The following GIPC3 variants were observed in gnomAD, a reference collection of about 807,000 sequenced individuals.
GIPC3 encodes the protein PDZ domain-containing protein GIPC3.
GIPC3 carries 16 observed loss-of-function variants against 27.3 expected under a neutral mutation model. The observed-to-expected ratio is 0.59, with a 90% confidence interval of 0.40 to 0.89. The LOEUF (loss-of-function observed/expected upper bound fraction) is 0.89. Among genes scored for constraint, GIPC3 ranks in the 40% least tolerant of loss-of-function variants. The probability of loss-of-function intolerance (pLI) is 0.00; values close to 1 mark genes in which losing one functional copy is unlikely to be tolerated. For synonymous variants in GIPC3, 194 were observed against 184.6 expected, an observed-to-expected ratio of 1.05 and a Z score of -0.41; for missense variants, 440 against 442.1, an observed-to-expected ratio of 1.00 and a Z score of 0.04.
rs387907000 is a variant in GIPC3, at chr19:3,590,154, G to A, written c.903G>A (p.Trp301Ter). 3 of 1,608,562 alleles carry A rather than the reference G, an allele frequency of 1.9e-6. No individual in the cohort carries two copies. Among genetic ancestry groups the A allele is most frequent in the Non-Finnish European group, 1.7e-6 (2 of 1,178,066 alleles). ...CCGACGAGTTTGTGGTGGAAGTGTG[G>A]GCCGCCATCGGCGAGGCCAGAGAGG... ...AFPDEFVVEV[W>*]AAIGEAREAC... The change falls in exon 6 of 6, where the codon TGG becomes TGA. Residue 301 changes from tryptophan to a stop codon, truncating the protein, a stop_gained. Transcript: ENST00000644452. LOFTEE classifies it high-confidence loss of function.
chr19:3,585,518 C>T lies in GIPC3; in HGVS notation c.-80C>T. The T allele has an allele frequency of 9.4e-7, 1 of 1,062,588 alleles. No homozygotes were observed. Among genetic ancestry groups the T allele is most frequent in the Non-Finnish European group, 1.1e-6 (1 of 878,552 alleles). 65.8% of individuals were successfully genotyped at this position (1,062,588 alleles called of 1,614,324 possible). ...GCGTCTCGGCTGTCGCGCCCTGGGC[C>T]GGGGGAGGGGAGGCTGCAGGAAGCG... On this transcript the variant is annotated 5_prime_UTR_variant, in exon 1 of 6. Transcript: ENST00000644452.
rs2032345528 is a variant in GIPC3, at chr19:3,585,493, G to C, written c.-105G>C. 6.0e-6 allele frequency: 6 copies of C among 995,654 alleles called. No homozygotes were observed. The highest frequency in any genetic ancestry group is 6.1e-6 in the Non-Finnish European group (5 of 823,222). The allele number at this position is 995,654 out of a possible 1,614,324, so 61.7% of individuals were successfully genotyped here. On this transcript the variant is annotated 5_prime_UTR_variant, in exon 1 of 6. Coordinates refer to ENST00000644452, the MANE Select transcript of GIPC3 (RefSeq NM_133261.3). ...CGGGTTCCCAGATCCCCTTACCCGGGCGTCTCGGCTGTCGCGCCCTGGGCC... is the reference window on the plus strand; with the variant it reads ...CGGGTTCCCAGATCCCCTTACCCGGCCGTCTCGGCTGTCGCGCCCTGGGCC...
In GIPC3 at chr19:3,590,716, T is replaced by G. The variant is rs889502575; in HGVS notation, c.*526T>G. On this transcript the variant is annotated 3_prime_UTR_variant, in exon 6 of 6. Coordinates refer to ENST00000644452, the MANE Select transcript of GIPC3 (RefSeq NM_133261.3). ...ACCGAGCCCAGCTCTAAAACTCAGA[T>G]GGGCTCTGAGACCATGCCCAGCTCT... The G allele has an allele frequency of 1.5e-5, 16 of 1,033,016 alleles. No homozygotes were observed. The African/African-American group carries it at 2.5e-4, about 16-fold the overall frequency. The allele number at this position is 1,033,016 out of a possible 1,614,324, so 64.0% of individuals were successfully genotyped here. A position where few individuals can be genotyped will look rare whatever the true frequency, so the allele number is the denominator to read the frequency against.
chr19:3,586,402 C>T (rs1723195306), intron 1 of GIPC3, 93 bp from the exon 2 acceptor site: 1 of 1,161,106 alleles, frequency 8.6e-7, no homozygotes, highest in African/African-American at 1.5e-5. Flanking sequence ...GGCTGGGATC[C>T]TGGTCGCTGG....
intron 3 of GIPC3, among the ~76,000 whole-genome samples, chr19:3,588,420 C>T (rs1366882530): frequency 6.6e-6 from 1 of 152,090 alleles, no homozygotes; most frequent in Non-Finnish European, 1.5e-5. Flanking sequence ...TTCTATAGAA[C>T]AGAGACAGAG....
Position 3,593,491 on chromosome 19 carries a change from C to T in GIPC3, c.*3301C>T, listed in dbSNP as rs1040338155. The T allele has an allele frequency of 4.3e-5, 18 of 415,966 alleles. No homozygotes were observed. The highest frequency in any genetic ancestry group is 3.1e-4 in the Admixed American group (7 of 22,680). 25.8% of individuals were successfully genotyped at this position (415,966 alleles called of 1,614,324 possible). ...AAGGAGGGCAGGAGACGGGTTGCAC[C>T]GCATGTACCCTGAGGGCTCATGGTG... is the stretch of plus-strand genomic sequence containing the variant. On this transcript the variant is annotated 3_prime_UTR_variant, in exon 6 of 6. Transcript: ENST00000644452.
chr19:3,590,324 C>T lies in GIPC3; in HGVS notation c.*134C>T, dbSNP rs902360675. 4 of 1,453,848 alleles carry T rather than the reference C, an allele frequency of 2.8e-6. No homozygotes were observed. The African/African-American group carries it at 5.7e-5, about 21-fold the overall frequency. The allele number at this position is 1,453,848 out of a possible 1,614,324, so 90.1% of individuals were successfully genotyped here. The stretch of plus-strand genomic sequence containing the variant: ...AATCCAATTTGGAGCCCCAGCCCAA[C>T]TCCAGAACCCAACCCTTCTCTAGAA... On this transcript the variant is annotated 3_prime_UTR_variant, in exon 6 of 6. Coordinates refer to ENST00000644452, the MANE Select transcript of GIPC3 (RefSeq NM_133261.3).
chr19:3,587,695 C>CTTTTTTCTTTTCTTTTCT (rs548820972), intron 3 of GIPC3, among the ~76,000 whole-genome samples: 1,829 of 131,038 alleles, frequency 0.014, 42 homozygotes, highest in African/African-American at 0.039. Flanking sequence ...CTTTTCTTTT[C>CTTTTTTCTTTTCTTTTCT]TTTTTTTTTT....
chr19:3,590,213 C>CGG lies in GIPC3; in HGVS notation c.*23_*24insGG. On this transcript the variant is annotated 3_prime_UTR_variant, in exon 6 of 6. Coordinates refer to ENST00000644452, the MANE Select transcript of GIPC3 (RefSeq NM_133261.3). ...TAGTTTGCCCTGGGGGGGCCCAGCA[C>CGG]AGCCCCAGCCCGGAGCCCAGCCCCC... 1 of 1,566,980 alleles carries CGG rather than the reference C, an allele frequency of 6.4e-7. No homozygotes were observed. The highest frequency in any genetic ancestry group is 8.6e-7 in the Non-Finnish European group (1 of 1,156,626).
Position 3,589,448 on chromosome 19 carries a change from A to C in GIPC3, c.598A>C (p.Ile200Leu), listed in dbSNP as rs1464820939. The change falls in exon 4 of 6, where the codon ATT becomes CTT. Residue 200 changes from isoleucine (I) to leucine (L), a missense_variant. Ile to Leu is a conservative substitution (Grantham distance 5, BLOSUM62 2). Transcript: ENST00000644452. ...CCTCACTCTGTTCCCTCCAGATATG[A>C]TTGGCCAGAGAAGTCGGTCCAGCAA... ...LVQPKRAFDM[I>L]GQRSRSSKCP... 6.2e-7 allele frequency: 1 copy of C among 1,612,916 alleles called. No individual in the cohort carries two copies. The highest frequency in any genetic ancestry group is 2.2e-5 in the East Asian group (1 of 44,882).
Position 3,590,587 on chromosome 19 carries a change from T to C in GIPC3, c.*397T>C. ...AGAACCCAGATGAGCTCTGAGACCATGCCCAGCTCTAGAACTCAGATGGGC... is the reference window on the plus strand; with the variant it reads ...AGAACCCAGATGAGCTCTGAGACCACGCCCAGCTCTAGAACTCAGATGGGC... On this transcript the variant is annotated 3_prime_UTR_variant, in exon 6 of 6. Coordinates refer to ENST00000644452, the MANE Select transcript of GIPC3 (RefSeq NM_133261.3). 1 of 1,275,498 alleles carries C rather than the reference T, an allele frequency of 7.8e-7. No individual in the cohort carries two copies. The highest frequency in any genetic ancestry group is 9.8e-7 in the Non-Finnish European group (1 of 1,015,712). The allele number at this position is 1,275,498 out of a possible 1,614,324, so 79.0% of individuals were successfully genotyped here.
rs1425306682 is a variant in GIPC3 at position 3,590,279 on chromosome 19, C to G, written c.*89C>G. ...CCAGAACCCAGCCCAGATCGGAGGA[C>G]AAGTTCCTCTCTAGAACCCAATCCA... On this transcript the variant is annotated 3_prime_UTR_variant, in exon 6 of 6. Coordinates refer to ENST00000644452, the MANE Select transcript of GIPC3 (RefSeq NM_133261.3). The G allele has an allele frequency of 1.2e-5, 18 of 1,506,212 alleles. No individual in the cohort carries two copies. Among genetic ancestry groups the G allele is most frequent in the Middle Eastern group, 2.4e-4 (1 of 4,182 alleles). The allele number at this position is 1,506,212 out of a possible 1,614,324, so 93.3% of individuals were successfully genotyped here. A position where few individuals can be genotyped will look rare whatever the true frequency, so the allele number is the denominator to read the frequency against.
At chr19:3,585,849 A>G (rs759764607) in intron 1 of GIPC3, 27 bp downstream of exon 1, 2 of 1,534,728 alleles carry the variant, frequency 1.3e-6, no homozygotes, top group South Asian at 2.4e-5. Flanking sequence ...CCGGCGCCCA[A>G]GACCACCCGC....
intron 1 of GIPC3, among the ~76,000 whole-genome samples, chr19:3,586,231 G>A (rs1697323848): frequency 6.6e-6 from 1 of 152,044 alleles, no homozygotes; most frequent in Admixed American, 6.5e-5. Flanking sequence ...TTTCCAATCC[G>A]GGTTCGTTTG....
chr19:3,590,002 G>T, intron 5 of GIPC3, 37 bp from the exon 6 acceptor site: 1 of 1,613,152 alleles, frequency 6.2e-7, no homozygotes, highest in Non-Finnish European at 8.5e-7. Flanking sequence ...GGCGCGGGGA[G>T]TGCCCTCACT....
intron 3 of GIPC3, among the ~76,000 whole-genome samples, chr19:3,588,656 A>AAAAAAAAAAAC (rs1555704535): frequency 5.3e-5 from 8 of 151,046 alleles, no homozygotes; most frequent in African/African-American, 1.7e-4. Context: ...AAAAAAAAAA[A>AAAAAAAAAAAC]AAACCTGGCT....
intron 3 of GIPC3, among the ~76,000 whole-genome samples, chr19:3,588,463 C>T (rs529845112): frequency 2.0e-5 from 3 of 152,124 alleles, no homozygotes; most frequent in African/African-American, 7.2e-5. Flanking sequence ...CATGGAGAGA[C>T]GTCCCAGGGA....
Position 3,592,798 on chromosome 19 carries a change from C to T in GIPC3, c.*2608C>T, listed in dbSNP as rs146274408. On this transcript the variant is annotated 3_prime_UTR_variant, in exon 6 of 6. Transcript: ENST00000644452. Reference sequence around the variant, plus strand: ...TCTGGAACCCAGCCTGTTTCTGGAACCCAATCCAGTTCCAGAACTCACACC... The same window carrying T: ...TCTGGAACCCAGCCTGTTTCTGGAATCCAATCCAGTTCCAGAACTCACACC... 1.2e-3 allele frequency: 1,476 copies of T among 1,232,156 alleles called. 7 individuals carry two copies. The Middle Eastern group carries it at 0.019, about 16-fold the overall frequency. 76.3% of individuals were successfully genotyped at this position (1,232,156 alleles called of 1,614,324 possible). A position where few individuals can be genotyped will look rare whatever the true frequency, so the allele number is the denominator to read the frequency against.
chr19:3,589,423 C>T lies in GIPC3; in HGVS notation c.593-20C>T. 1 of 1,580,292 alleles carries T rather than the reference C, an allele frequency of 6.3e-7. No individual in the cohort carries two copies. The highest frequency in any genetic ancestry group is 8.7e-7 in the Non-Finnish European group (1 of 1,149,202). On this transcript the variant is annotated intron_variant, in intron 3 of 5. Transcript: ENST00000644452. ...GCTCCACCCAGAACCCATGGCCATCCCTCACTCTGTTCCCTCCAGATATGA... is the reference window on the plus strand; with the variant it reads ...GCTCCACCCAGAACCCATGGCCATCTCTCACTCTGTTCCCTCCAGATATGA...
Sources: allele counts gnomAD v4.1 joint callset (sites outside exome capture counted in the v4.1 genomes callset), GRCh38; gene constraint gnomAD v4.1.1; transcripts MANE v1.5; gene names NCBI Gene and HGNC (gene_info 2026-07-23, HGNC 2026-07-21).